The following RANBP1 variants were observed in gnomAD, a reference collection of about 807,000 sequenced individuals.
RANBP1 encodes ran-specific GTPase-activating protein.
Under a neutral mutation model 31.4 loss-of-function variants are expected in RANBP1, and 16 were observed. The ratio of observed to expected loss-of-function variants is 0.51; its 90% CI spans 0.34 to 0.77. The LOEUF is 0.77. Among genes scored for constraint, RANBP1 ranks in the 30% least tolerant of loss-of-function variants. The probability of loss-of-function intolerance (pLI) is 0.01; values close to 1 mark genes in which losing one functional copy is unlikely to be tolerated. For missense variants in RANBP1, 265 were observed against 362.0 expected, an observed-to-expected ratio of 0.73 and a Z score of 2.17; for synonymous variants, 129 against 140.5, an observed-to-expected ratio of 0.92 and a Z score of 0.58.
At chr22:20,125,815 C>T (rs549190680) in intron 4 of RANBP1, among the ~76,000 whole-genome samples, 1 of 152,368 alleles carries the variant, frequency 6.6e-6, no homozygotes, top group African/African-American at 2.4e-5. Flanking sequence ...GGCCAGGGGC[C>T]CCTCATGGTT....
At chr22:20,117,742 G>T in intron 1 of RANBP1, 3 of 1,086,870 alleles carry the variant, frequency 2.8e-6, no homozygotes, top group Non-Finnish European at 3.3e-6. Flanking sequence ...GGCGGCCCGC[G>T]CCGCCGCCAC....
At chr22:20,117,224 T>C (rs185006124) in intron 1 of RANBP1, 2 of 542,690 alleles carry the variant, frequency 3.7e-6, no homozygotes, top group South Asian at 3.2e-5. Context: ...CGAGCGTCTC[T>C]ATGATCCTGG....
In RANBP1 at chr22:20,122,345, G is replaced by A. The variant is rs774924969; in HGVS notation, c.465G>A (p.Leu155=). The A allele has an allele frequency of 6.2e-6, 10 of 1,613,086 alleles. No individual in the cohort carries two copies. The South Asian group carries it at 8.8e-5, about 14-fold the overall frequency. The change falls in exon 3 of 6, where the codon CTG becomes CTA. Residue 155 remains leucine (L), a synonymous_variant. Coordinates refer to ENST00000430524, the MANE Select transcript of RANBP1 (RefSeq NM_001278639.2). ...KERGTGDVKL[L]KHKEKGAIRL... Reference sequence around the variant, plus strand: ...GAGGCACTGGTGACGTCAAGCTCCTGAAGCACAAGGAGAAAGGGGCCATCC... The same window carrying A: ...GAGGCACTGGTGACGTCAAGCTCCTAAAGCACAAGGAGAAAGGGGCCATCC...
intron 2 of RANBP1, among the ~76,000 whole-genome samples, chr22:20,121,289 G>A (rs958609358): frequency 6.6e-6 from 1 of 151,924 alleles, no homozygotes; most frequent in East Asian, 1.9e-4. Context: ...CGCTCTTGCT[G>A]CCCAGGCTGG....
intron 2 of RANBP1, 72 bp from the exon 3 acceptor site, chr22:20,122,192 C>A (rs1364184437): frequency 3.9e-6 from 6 of 1,543,282 alleles, no homozygotes; most frequent in Non-Finnish European, 5.3e-6. Context: ...CAGAGTTGTC[C>A]TGTGTCCTCC....
At chr22:20,117,946 G>A (rs1488256435) in intron 1 of RANBP1, 1 of 1,008,594 alleles carries the variant, frequency 9.9e-7, no homozygotes, top group African/African-American at 1.7e-5. Flanking sequence ...CACGCGGGAC[G>A]GCCCCAGCCT....
intron 1 of RANBP1, chr22:20,117,547 C>A: frequency 1.4e-6 from 2 of 1,389,982 alleles, no homozygotes; most frequent in African/African-American, 1.5e-5. Flanking sequence ...GGGCGGGAGG[C>A]GCCGGCGCCA....
At chr22:20,125,661 C>G (rs779093180) in intron 4 of RANBP1, 3 of 1,421,472 alleles carry the variant, frequency 2.1e-6, no homozygotes, top group Non-Finnish European at 2.8e-6. Flanking sequence ...AGCTGGTGAA[C>G]AGCAGTGCCC....
Position 20,116,105 on chromosome 22 carries a change from C to G in RANBP1, c.-80C>G. ...CGCTCAAGCTGCTCAGCATAGGGCACTGTCCATAGAGGGGTCACCACGTCG... is the reference window on the plus strand; with the variant it reads ...CGCTCAAGCTGCTCAGCATAGGGCAGTGTCCATAGAGGGGTCACCACGTCG... On this transcript the variant is annotated 5_prime_UTR_variant, in exon 1 of 6. Coordinates refer to ENST00000430524, the MANE Select transcript of RANBP1 (RefSeq NM_001278639.2). 6.2e-7 allele frequency: 1 copy of G among 1,607,970 alleles called. No individual in the cohort carries two copies. The highest frequency in any genetic ancestry group is 8.5e-7 in the Non-Finnish European group (1 of 1,176,006).
intron 1 of RANBP1, chr22:20,116,787 T>C: frequency 7.6e-7 from 1 of 1,308,078 alleles, no homozygotes; most frequent in Non-Finnish European, 1.0e-6. Flanking sequence ...CTATCGCACC[T>C]GCCTCGTCCC....
At chr22:20,125,652 G>A in intron 4 of RANBP1, 3 of 1,443,250 alleles carry the variant, frequency 2.1e-6, no homozygotes, top group Non-Finnish European at 2.7e-6. Flanking sequence ...GTGCCAAGTA[G>A]CTGGTGAACA....
At position 20,117,130 on chromosome 22, in the gene RANBP1, G is replaced by T. The variant is rs181485869; in HGVS notation, c.246+700G>T. ...CTCAGGTCCGGGTCTCAGGCTTGGG[G>T]CTGTACCGCCCGCCCGCCAGGGGCC... On this transcript the variant is annotated intron_variant, in intron 1 of 5. Coordinates refer to ENST00000430524, the MANE Select transcript of RANBP1 (RefSeq NM_001278639.2). 549 of 597,078 alleles carry T rather than the reference G, an allele frequency of 9.2e-4. 6 individuals are homozygous for T. In the African/African-American group the frequency reaches 9.8e-3, roughly 11 times the overall value. 37.0% of individuals were successfully genotyped at this position (597,078 alleles called of 1,614,324 possible). A position where few individuals can be genotyped will look rare whatever the true frequency, so the allele number is the denominator to read the frequency against.
intron 2 of RANBP1, 24 bp downstream of exon 2, chr22:20,119,173 A>G: frequency 6.2e-7 from 1 of 1,605,928 alleles, no homozygotes; most frequent in African/African-American, 1.3e-5. Context: ...TGTCCCAGAA[A>G]TAGGACTCTT....
At chr22:20,126,799 G>A in intron 5 of RANBP1, 153 bp from the exon 6 acceptor site, 2 of 1,340,296 alleles carry the variant, frequency 1.5e-6, no homozygotes, top group Non-Finnish European at 2.0e-6. Context: ...CAAGAAGACA[G>A]ACTCCAGGAG....
intron 4 of RANBP1, among the ~76,000 whole-genome samples, chr22:20,125,951 G>A (rs1602553399): frequency 6.6e-6 from 1 of 152,392 alleles, no homozygotes; most frequent in South Asian, 2.1e-4. Context: ...GAGTCAGTGG[G>A]TACTGTGGCC....
At position 20,122,378 on chromosome 22, in the gene RANBP1, C is replaced by T; in HGVS notation, c.498C>T (p.Leu166=). The T allele has an allele frequency of 6.2e-7, 1 of 1,613,080 alleles. No homozygotes were observed. The highest frequency in any genetic ancestry group is 1.1e-5 in the South Asian group (1 of 91,078). ...KHKEKGAIRL[L]MRRDKTLKIC... ...AGGAGAAAGGGGCCATCCGCCTCCT[C>T]ATGCGGAGGGACAAGACCCTGAAGA... The change falls in exon 3 of 6, where the codon CTC becomes CTT. Residue 166 remains leucine, a synonymous_variant. Coordinates refer to ENST00000430524, the MANE Select transcript of RANBP1 (RefSeq NM_001278639.2).
At chr22:20,118,811 C>G (rs1373840186) in intron 1 of RANBP1, among the ~76,000 whole-genome samples, 1 of 152,232 alleles carries the variant, frequency 6.6e-6, no homozygotes, top group African/African-American at 2.4e-5. Flanking sequence ...GTGTCTCACT[C>G]TGTGCTCACA....
chr22:20,120,332 C>T (rs2050146117), intron 2 of RANBP1, among the ~76,000 whole-genome samples: 1 of 152,162 alleles, frequency 6.6e-6, no homozygotes, highest in African/African-American at 2.4e-5. Flanking sequence ...TGCCGTAGCC[C>T]CTGTTTGGGA....
chr22:20,125,352 G>T lies in RANBP1; in HGVS notation c.586G>T (p.Ala196Ser). The change falls in exon 4 of 6, where the codon GCC (alanine) becomes TCC (serine). Residue 196 changes from alanine (A) to serine (S), a missense_variant. Ala to Ser is a moderately conservative substitution (Grantham distance 99). Coordinates refer to ENST00000430524, the MANE Select transcript of RANBP1 (RefSeq NM_001278639.2). ...GAAGCCCAACGCAGGTAGCGACCGT[G>T]CCTGGGTCTGGAACACCCACGCTGA... ...ELKPNAGSDR[A>S]WVWNTHADFA... The T allele has an allele frequency of 6.2e-7, 1 of 1,611,718 alleles. No homozygotes were observed. Among genetic ancestry groups the T allele is most frequent in the Non-Finnish European group, 8.5e-7 (1 of 1,179,900 alleles).
Sources: allele counts gnomAD v4.1 joint callset (sites outside exome capture counted in the v4.1 genomes callset), GRCh38; gene constraint gnomAD v4.1.1; transcripts MANE v1.5; gene names NCBI Gene and HGNC (gene_info 2026-07-23, HGNC 2026-07-21).